The following ENTREP2 variants were observed in gnomAD, a reference collection of about 807,000 sequenced individuals.
ENTREP2 encodes endosomal transmembrane epsin interactor 2.
At chr15:29,340,316 T>C in the ENTREP2 span, among the ~76,000 whole-genome samples, 1 of 152,204 alleles carries the variant, frequency 6.6e-6, no homozygotes, top group East Asian at 1.9e-4. Flanking sequence ...AGTGGGTTTT[T>C]GCAGGAAGAA....
the ENTREP2 span, among the ~76,000 whole-genome samples, chr15:29,377,978 G>A: frequency 7.3e-4 from 111 of 151,720 alleles, no homozygotes; most frequent in African/African-American, 2.6e-3. Flanking sequence ...GTCATCAACT[G>A]AGACAGAAAA....
chr15:29,166,684 T>C, the ENTREP2 span, among the ~76,000 whole-genome samples: 2 of 152,002 alleles, frequency 1.3e-5, no homozygotes, highest in Non-Finnish European at 2.9e-5. Context: ...CACAAATAAA[T>C]TGAAACACAT....
At chr15:29,230,944 G>C in the ENTREP2 span, among the ~76,000 whole-genome samples, 1 of 152,148 alleles carries the variant, frequency 6.6e-6, no homozygotes, top group Non-Finnish European at 1.5e-5. Context: ...TGCTGGTAGA[G>C]AATAGATTAT....
the ENTREP2 span, among the ~76,000 whole-genome samples, chr15:29,572,196 AG>A: frequency 6.6e-6 from 1 of 152,208 alleles, no homozygotes; most frequent in South Asian, 2.1e-4. Context: ...GAGATGGCCA[AG>A]GGATGAACAG....
the ENTREP2 span, among the ~76,000 whole-genome samples, chr15:29,392,352 C>T: frequency 8.2e-6 from 1 of 121,616 alleles, no homozygotes; most frequent in African/African-American, 3.1e-5. Context: ...GTTATGACCC[C>T]CCCCACCCCC....
At chr15:29,601,916 T>C in the ENTREP2 span, among the ~76,000 whole-genome samples, 1 of 152,196 alleles carries the variant, frequency 6.6e-6, no homozygotes, top group Non-Finnish European at 1.5e-5. Context: ...ATAAAGGTCA[T>C]GATTGGTAAC....
chr15:29,507,960 A>C, the ENTREP2 span, among the ~76,000 whole-genome samples: 2 of 152,218 alleles, frequency 1.3e-5, no homozygotes, highest in Admixed American at 6.5e-5. Context: ...CAGTGAATCC[A>C]GGAGCAGATT....
chr15:29,331,033 C>T, the ENTREP2 span, among the ~76,000 whole-genome samples: 1 of 152,332 alleles, frequency 6.6e-6, no homozygotes, highest in South Asian at 2.1e-4. Flanking sequence ...TGTGTCCCCA[C>T]TATACCCAGG....
chr15:29,381,734 A>G, the ENTREP2 span: 1 of 1,532,768 alleles, frequency 6.5e-7, no homozygotes, highest in Non-Finnish European at 8.8e-7. Flanking sequence ...TGAAGGTGGA[A>G]CCCTGCTCCA....
chr15:29,210,883 A>G, the ENTREP2 span, among the ~76,000 whole-genome samples: 2 of 152,242 alleles, frequency 1.3e-5, no homozygotes, highest in Non-Finnish European at 2.9e-5. Flanking sequence ...CAACTTAAAG[A>G]TGATACAGCC....
At chr15:29,463,672 G>C in the ENTREP2 span, among the ~76,000 whole-genome samples, 1 of 152,088 alleles carries the variant, frequency 6.6e-6, no homozygotes, top group Non-Finnish European at 1.5e-5. Context: ...AATAAGAAAT[G>C]ATTTCCATGT....
the ENTREP2 span, among the ~76,000 whole-genome samples, chr15:29,316,165 C>G: frequency 5.9e-5 from 9 of 152,070 alleles, no homozygotes; most frequent in African/African-American, 2.2e-4. Context: ...AAATCAAAAG[C>G]AAAATGAAAT....
chr15:29,376,535 A>G, the ENTREP2 span: 1 of 146,626 alleles, frequency 6.8e-6, no homozygotes, highest in Admixed American at 6.8e-5. Context: ...AAAGGCACTT[A>G]TAAAACACTA....
chr15:29,368,336 AAAT>A, the ENTREP2 span, among the ~76,000 whole-genome samples: 347 of 143,184 alleles, frequency 2.4e-3, 1 homozygote, highest in African/African-American at 8.9e-3. Context: ...TCAAAAAAAA[AAAT>A]ATATATATAT....
At chr15:29,588,623 C>A in the ENTREP2 span, among the ~76,000 whole-genome samples, 2 of 149,218 alleles carry the variant, frequency 1.3e-5, no homozygotes, top group African/African-American at 4.9e-5. Flanking sequence ...GACAGAAAGA[C>A]AGAAGGAAGG....
At chr15:29,195,084 C>A in the ENTREP2 span, 2 of 976,874 alleles carry the variant, frequency 2.0e-6, no homozygotes, top group Admixed American at 6.2e-5. Context: ...AGAATGTGGG[C>A]GTAGGTAATG....
the ENTREP2 span, among the ~76,000 whole-genome samples, chr15:29,214,071 A>G: frequency 6.6e-6 from 1 of 152,200 alleles, no homozygotes; most frequent in African/African-American, 2.4e-5. Flanking sequence ...AGAAATAGGA[A>G]CACTTTTACA....
the ENTREP2 span, among the ~76,000 whole-genome samples, chr15:29,442,833 T>G: frequency 1.3e-5 from 2 of 152,194 alleles, no homozygotes; most frequent in African/African-American, 4.8e-5. Context: ...CTGCTCACTA[T>G]CCATACTTTA....
chr15:29,330,036 C>T, the ENTREP2 span, among the ~76,000 whole-genome samples: 12 of 152,164 alleles, frequency 7.9e-5, no homozygotes, highest in African/African-American at 2.9e-4. Flanking sequence ...TAGAACTTCA[C>T]AGTAGAGAAA....
Sources: allele counts gnomAD v4.1 joint callset (sites outside exome capture counted in the v4.1 genomes callset), GRCh38; gene constraint gnomAD v4.1.1; transcripts MANE v1.5; gene names NCBI Gene and HGNC (gene_info 2026-07-23, HGNC 2026-07-21).